The following PTPRD variants were observed in gnomAD, a reference collection of about 807,000 sequenced individuals.
The protein encoded by PTPRD is protein tyrosine phosphatase receptor type D, also known as receptor-type tyrosine-protein phosphatase delta.
Under a neutral mutation model 214.5 loss-of-function variants are expected in PTPRD, and 34 were observed. That is an observed-to-expected ratio of 0.16 (90% CI 0.12 to 0.21). PTPRD has a LOEUF of 0.21. PTPRD is among the 10% of genes least tolerant of loss of function. The pLI is 1.00. For missense variants in PTPRD, 2,545 were observed against 2,398.7 expected (o/e 1.06, Z -1.27); for synonymous variants, 1,128 against 845.7 (o/e 1.33, Z -5.79).
chr9:9,970,107 G>A (rs1327558491), intron 4 of PTPRD, among the ~76,000 whole-genome samples: 1 of 152,112 alleles, frequency 6.6e-6, no homozygotes, highest in Non-Finnish European at 1.5e-5. Flanking sequence ...AAGGATTATA[G>A]GTTTTATTAT....
At chr9:10,148,309 A>G (rs965049051) in intron 3 of PTPRD, among the ~76,000 whole-genome samples, 3 of 152,204 alleles carry the variant, frequency 2.0e-5, no homozygotes, top group African/African-American at 7.2e-5. Context: ...TGACCTATTA[A>G]TAATCATTTA....
intron 2 of PTPRD, among the ~76,000 whole-genome samples, chr9:10,501,552 C>G (rs895047931): frequency 2.0e-5 from 3 of 151,932 alleles, no homozygotes; most frequent in Admixed American, 2.0e-4. Context: ...TCACACCCAG[C>G]AGATTTAACT....
chr9:8,735,085 G>C lies in PTPRD; in HGVS notation c.-103-1139C>G, dbSNP rs112735887. Among the ~76,000 whole-genome samples the C allele has an allele frequency of 1.9e-3, 282 of 151,994 alleles. 1 individual carries two copies. Among genetic ancestry groups the C allele is most frequent in the African/African-American group, 6.6e-3 (273 of 41,464 alleles). On this transcript the variant is annotated intron_variant, in intron 11 of 45. Coordinates refer to ENST00000381196, the MANE Select transcript of PTPRD (RefSeq NM_002839.4). ...GTGAGTACTACCATCAGAGTTCGTG[G>C]GTCAGTAGGTCTGTGGTGGGGATCC... is the stretch of plus-strand genomic sequence containing the variant.
intron 2 of PTPRD, among the ~76,000 whole-genome samples, chr9:10,527,747 G>C (rs1348431178): frequency 1.3e-5 from 2 of 152,080 alleles, no homozygotes; most frequent in East Asian, 3.9e-4. Flanking sequence ...TGCTTTCTAA[G>C]TTTATGTAAC....
intron 2 of PTPRD, among the ~76,000 whole-genome samples, chr9:10,379,590 TGTAA>T (rs1297961090): frequency 1.3e-5 from 2 of 152,092 alleles, no homozygotes; most frequent in African/African-American, 2.4e-5. Flanking sequence ...GAAATTCTAC[TGTAA>T]GTATTTAAAG....
intron 11 of PTPRD, among the ~76,000 whole-genome samples, chr9:8,979,922 T>G (rs550164064): frequency 1.3e-5 from 2 of 152,104 alleles, no homozygotes; most frequent in African/African-American, 2.4e-5. Context: ...CCATGTTCAC[T>G]GCAGTAATAT....
intron 11 of PTPRD, among the ~76,000 whole-genome samples, chr9:9,016,125 C>T (rs2099534077): frequency 6.6e-6 from 1 of 152,116 alleles, no homozygotes; most frequent in African/African-American, 2.4e-5. Context: ...TCTGAGACTG[C>T]CTTACTGCAG....
At chr9:10,438,756 G>A (rs1029722956) in intron 2 of PTPRD, among the ~76,000 whole-genome samples, 1 of 151,708 alleles carries the variant, frequency 6.6e-6, no homozygotes, top group African/African-American at 2.4e-5. Flanking sequence ...TTATTATAAA[G>A]CTCATTAATT....
intron 35 of PTPRD, among the ~76,000 whole-genome samples, chr9:8,421,945 C>T (rs576702804): frequency 6.6e-6 from 1 of 150,846 alleles, no homozygotes; most frequent in Admixed American, 6.6e-5. Context: ...CCCAGTAGTT[C>T]GAGACCAACC....
chr9:10,195,651 A>G (rs2099395018), intron 3 of PTPRD, among the ~76,000 whole-genome samples: 1 of 152,170 alleles, frequency 6.6e-6, no homozygotes, highest in African/African-American at 2.4e-5. Flanking sequence ...TCTATTTCTT[A>G]CCTGCACCAA....
intron 2 of PTPRD, among the ~76,000 whole-genome samples, chr9:10,480,362 G>T (rs2099089814): frequency 6.6e-6 from 1 of 152,136 alleles, no homozygotes; most frequent in Non-Finnish European, 1.5e-5. Flanking sequence ...CTCCAGCTAG[G>T]ATTATAAGGG....
At chr9:9,093,667 G>GC (rs1415002692) in intron 10 of PTPRD, among the ~76,000 whole-genome samples, 1 of 114,438 alleles carries the variant, frequency 8.7e-6, no homozygotes, top group African/African-American at 3.4e-5. Flanking sequence ...TTAAAATTTG[G>GC]GCGGGGGGGC....
chr9:9,336,300 T>C (rs1344417153), intron 9 of PTPRD, among the ~76,000 whole-genome samples: 1 of 152,168 alleles, frequency 6.6e-6, no homozygotes, highest in Admixed American at 6.6e-5. Flanking sequence ...AAAAGAATGA[T>C]ACACATTCTC....
chr9:9,216,137 C>T (rs1277039597), intron 9 of PTPRD, among the ~76,000 whole-genome samples: 1 of 151,990 alleles, frequency 6.6e-6, no homozygotes, highest in Non-Finnish European at 1.5e-5. Context: ...GTTTAGTCAC[C>T]TTTTAAATGG....
At chr9:10,583,206 T>C (rs2072622112) in intron 2 of PTPRD, among the ~76,000 whole-genome samples, 1 of 152,164 alleles carries the variant, frequency 6.6e-6, no homozygotes, top group Admixed American at 6.5e-5. Flanking sequence ...AAAGTTATTG[T>C]GGAAGAAGGA....
intron 14 of PTPRD, among the ~76,000 whole-genome samples, chr9:8,592,689 A>G (rs2094199722): frequency 6.6e-6 from 1 of 152,210 alleles, no homozygotes; most frequent in Non-Finnish European, 1.5e-5. Flanking sequence ...AGTGGCAGAT[A>G]TTGAGATAAT....
At chr9:9,955,046 A>C (rs13294029) in intron 4 of PTPRD, among the ~76,000 whole-genome samples, 1,967 of 152,300 alleles carry the variant, frequency 0.013, 18 homozygotes, top group Non-Finnish European at 0.019. Flanking sequence ...ACTAAATGCT[A>C]AAGAGCTTGC....
intron 8 of PTPRD, among the ~76,000 whole-genome samples, chr9:9,512,906 T>C (rs2096743413): frequency 6.6e-6 from 1 of 151,576 alleles, no homozygotes; most frequent in South Asian, 2.1e-4. Flanking sequence ...CGAGTAATCA[T>C]TACTAATGAG....
At chr9:9,922,049 A>G (rs1044381502) in intron 5 of PTPRD, among the ~76,000 whole-genome samples, 1 of 152,124 alleles carries the variant, frequency 6.6e-6, no homozygotes, top group African/African-American at 2.4e-5. Context: ...AATGATTCAT[A>G]TAGCAGGGCT....
Sources: gnomAD v4.1 joint callset for allele counts (sites outside exome capture counted in the v4.1 genomes callset) on GRCh38, gnomAD v4.1.1 for gene constraint, MANE v1.5 for transcripts, NCBI Gene and HGNC (gene_info 2026-07-23, HGNC 2026-07-21) for gene names.